DLG2: variants seen among roughly 807,000 people sequenced by gnomAD.
DLG2 encodes discs large MAGUK scaffold protein 2.
Under a neutral mutation model 132.5 loss-of-function variants are expected in DLG2, and 45 were observed. The ratio of observed to expected loss-of-function variants is 0.34; its 90% CI spans 0.27 to 0.44. DLG2 has a LOEUF of 0.44. DLG2 is among the 20% of genes least tolerant of loss of function. The pLI is 1.00. For synonymous variants in DLG2, 424 were observed against 419.6 expected, an observed-to-expected ratio of 1.01 and a Z score of -0.13; for missense variants, 1,045 against 1,196.9, an observed-to-expected ratio of 0.87 and a Z score of 1.87.
intron 6 of DLG2, among the ~76,000 whole-genome samples, chr11:84,625,597 T>C (rs978237873): frequency 1.3e-5 from 2 of 152,184 alleles, no homozygotes; most frequent in South Asian, 4.1e-4. Context: ...TCATTTCTGT[T>C]GGAGGAAAAT....
chr11:83,833,811 A>G (rs778889025), intron 16 of DLG2, 41 bp from the exon 17 acceptor site: 4 of 1,583,806 alleles, frequency 2.5e-6, no homozygotes, highest in African/African-American at 1.4e-5. Flanking sequence ...AGGGTGATCC[A>G]TTTAAGATTT....
At chr11:84,313,405 C>A (rs879586870) in intron 7 of DLG2, among the ~76,000 whole-genome samples, 3 of 152,058 alleles carry the variant, frequency 2.0e-5, no homozygotes, top group Middle Eastern at 3.4e-3. Context: ...TGAGTCACCA[C>A]ACTCAGCCTG....
At chr11:85,142,248 G>A (rs1027484929) in intron 5 of DLG2, among the ~76,000 whole-genome samples, 19 of 151,638 alleles carry the variant, frequency 1.3e-4, no homozygotes, top group Admixed American at 5.3e-4. Context: ...ATGTTTTATC[G>A]TTTTCATTGA....
chr11:84,154,988 T>C (rs1334499371), intron 9 of DLG2, among the ~76,000 whole-genome samples: 2 of 152,112 alleles, frequency 1.3e-5, no homozygotes, highest in African/African-American at 2.4e-5. Context: ...ACCTACAGAA[T>C]GGGAGAAAAT....
chr11:84,188,483 C>T (rs2096330035), intron 8 of DLG2, among the ~76,000 whole-genome samples: 2 of 152,086 alleles, frequency 1.3e-5, no homozygotes, highest in African/African-American at 4.8e-5. Context: ...CCAAGTTCAG[C>T]TAATAAATGT....
At chr11:85,442,333 A>G (rs972473613) in intron 3 of DLG2, among the ~76,000 whole-genome samples, 3 of 152,220 alleles carry the variant, frequency 2.0e-5, no homozygotes, top group Non-Finnish European at 4.4e-5. Flanking sequence ...GCAAGACATC[A>G]TGTTGGCTTG....
At chr11:83,593,017 G>A (rs1225917) in intron 19 of DLG2, among the ~76,000 whole-genome samples, 26,212 of 110,686 alleles carry the variant, frequency 0.24, 3,376 homozygotes, top group East Asian at 0.36. Context: ...AGGATGTGGA[G>A]AAATAGGAAC....
intron 3 of DLG2, among the ~76,000 whole-genome samples, chr11:85,465,280 C>A (rs574273925): frequency 6.2e-4 from 94 of 151,224 alleles, no homozygotes; most frequent in Middle Eastern, 3.4e-3. Flanking sequence ...GTAGCTGTGA[C>A]TACTTCATAG....
chr11:85,421,017 A>G (rs996143520), intron 3 of DLG2, among the ~76,000 whole-genome samples: 4 of 152,136 alleles, frequency 2.6e-5, no homozygotes, highest in Admixed American at 1.3e-4. Context: ...AATAAAAATG[A>G]AAAAAACACT....
intron 2 of DLG2, among the ~76,000 whole-genome samples, chr11:85,600,200 T>C (rs898568052): frequency 1.3e-5 from 2 of 152,196 alleles, no homozygotes; most frequent in Admixed American, 1.3e-4. Context: ...AATTTGTTTC[T>C]AAGGTCAACT....
intron 6 of DLG2, among the ~76,000 whole-genome samples, chr11:84,995,696 C>A (rs2057577991): frequency 6.6e-6 from 1 of 151,804 alleles, no homozygotes; most frequent in East Asian, 1.9e-4. Context: ...AATAATAGAG[C>A]CCAACTTAAA....
At chr11:84,106,439 A>AT (rs1424526852) in intron 9 of DLG2, among the ~76,000 whole-genome samples, 1 of 152,030 alleles carries the variant, frequency 6.6e-6, no homozygotes, top group African/African-American at 2.4e-5. Flanking sequence ...CTAAATAGAG[A>AT]TTTTTTTCCT....
At chr11:84,943,626 A>C (rs1307740969) in intron 6 of DLG2, among the ~76,000 whole-genome samples, 1 of 152,180 alleles carries the variant, frequency 6.6e-6, no homozygotes, top group East Asian at 1.9e-4. Context: ...ATGAAAACTC[A>C]ACACTTTAAC....
In DLG2 at chr11:83,484,179, G is replaced by A. The variant is rs2093349004; in HGVS notation, c.2243C>T (p.Pro748Leu). ...ACTCTGCTCCTTGTTCTTGTAGAATGGGAATTTTCGTGAAAAGATGAAGCT... is the reference window on the plus strand; with the variant it reads ...ACTCTGCTCCTTGTTCTTGTAGAATAGGAATTTTCGTGAAAAGATGAAGCT... Reference protein sequence around the residue: ...KKSFIFSRKFPFYKNKEQSEQ... With the variant: ...KKSFIFSRKFLFYKNKEQSEQ... The change falls in exon 22 of 28, where the codon CCA becomes CTA. Residue 748 changes from proline (P) to leucine (L), a missense_variant. Around this residue, in one of 4 missense-constraint regions of DLG2, gnomAD observed 398 missense variants for 543.6 expected, o/e 0.73. Coordinates refer to ENST00000376104, the MANE Select transcript of DLG2 (RefSeq NM_001142699.3). The A allele has an allele frequency of 6.2e-7, 1 of 1,613,446 alleles. No individual in the cohort carries two copies. The highest frequency in any genetic ancestry group is 8.5e-7 in the Non-Finnish European group (1 of 1,179,578).
At chr11:84,311,007 A>G (rs955814978) in intron 7 of DLG2, among the ~76,000 whole-genome samples, 2 of 152,206 alleles carry the variant, frequency 1.3e-5, no homozygotes, top group African/African-American at 4.8e-5. Flanking sequence ...TCTAAATACA[A>G]GCTTATGGGA....
At chr11:85,522,581 C>G (rs2074400768) in intron 3 of DLG2, among the ~76,000 whole-genome samples, 1 of 152,206 alleles carries the variant, frequency 6.6e-6, no homozygotes, top group African/African-American at 2.4e-5. Context: ...ATGAAAGCAG[C>G]TAGGGCAGGA....
At chr11:85,048,134 C>A (rs1328949560) in intron 6 of DLG2, among the ~76,000 whole-genome samples, 1 of 151,758 alleles carries the variant, frequency 6.6e-6, no homozygotes, top group African/African-American at 2.4e-5. Context: ...TGACACAAAG[C>A]AATTATTTCA....
At chr11:85,097,316 G>C (rs753594127) in intron 6 of DLG2, among the ~76,000 whole-genome samples, 5 of 152,100 alleles carry the variant, frequency 3.3e-5, no homozygotes, top group African/African-American at 9.7e-5. Flanking sequence ...TCAGGCAGGG[G>C]ACTATCTGGA....
chr11:84,527,933 C>A (rs1401431903), intron 7 of DLG2, among the ~76,000 whole-genome samples: 1 of 148,942 alleles, frequency 6.7e-6, no homozygotes, highest in Non-Finnish European at 1.5e-5. Context: ...CTCTCTCTCT[C>A]TCGCTAATAA....
Sources: allele counts gnomAD v4.1 joint callset (sites outside exome capture counted in the v4.1 genomes callset), GRCh38; gene constraint gnomAD v4.1.1; regional missense constraint gnomAD v4.1.1; transcripts MANE v1.5; gene names NCBI Gene and HGNC (gene_info 2026-07-23, HGNC 2026-07-21).